The following MCC variants were observed in gnomAD, a reference collection of about 807,000 sequenced individuals.
MCC encodes the protein colorectal mutant cancer protein.
MCC carries 90 observed loss-of-function variants against 116.2 expected under a neutral mutation model. That is an observed-to-expected ratio of 0.77 (90% confidence interval 0.65 to 0.92). The LOEUF (loss-of-function observed/expected upper bound fraction) is 0.92. Among genes scored for constraint, MCC ranks in the 40% least tolerant of loss-of-function variants. MCC has a pLI of 0.00. For synonymous variants in MCC, 578 were observed against 510.5 expected, an observed-to-expected ratio of 1.13 and a Z score of -1.78; for missense variants, 1,516 against 1,312.2, an observed-to-expected ratio of 1.16 and a Z score of -2.40.
intron 3 of MCC, among the ~76,000 whole-genome samples, chr5:113,304,130 A>G (rs1287988340): frequency 6.6e-6 from 1 of 152,168 alleles, no homozygotes; most frequent in Non-Finnish European, 1.5e-5. Flanking sequence ...GGCTGTTAGC[A>G]TGGTTGACCC....
At chr5:113,086,701 TGA>T (rs1390010024) in intron 8 of MCC, among the ~76,000 whole-genome samples, 2 of 152,020 alleles carry the variant, frequency 1.3e-5, no homozygotes, top group Admixed American at 1.3e-4. Context: ...AGTTTCAGCA[TGA>T]GAGTGCAGTG....
chr5:113,354,308 G>A (rs1376630825), intron 2 of MCC, among the ~76,000 whole-genome samples: 1 of 152,150 alleles, frequency 6.6e-6, no homozygotes, highest in African/African-American at 2.4e-5. Flanking sequence ...TCCCAGTCAC[G>A]TAATCTTACT....
At chr5:113,075,983 C>T (rs1754423846) in intron 11 of MCC, among the ~76,000 whole-genome samples, 1 of 152,122 alleles carries the variant, frequency 6.6e-6, no homozygotes, top group Non-Finnish European at 1.5e-5. Context: ...AGTCTTGAAG[C>T]CAGCGAGACC....
chr5:113,471,427 A>G (rs1364166723), intron 1 of MCC, among the ~76,000 whole-genome samples: 2 of 152,142 alleles, frequency 1.3e-5, no homozygotes, highest in Non-Finnish European at 2.9e-5. Flanking sequence ...GGAGTTTTCT[A>G]GAGGTCCACT....
chr5:113,065,716 G>A (rs1260704626), intron 13 of MCC, among the ~76,000 whole-genome samples: 1 of 152,186 alleles, frequency 6.6e-6, no homozygotes, highest in Non-Finnish European at 1.5e-5. Flanking sequence ...ACAAAGAAAA[G>A]ACCCACAATC....
intron 4 of MCC, among the ~76,000 whole-genome samples, chr5:113,144,166 C>G (rs1759352567): frequency 6.6e-6 from 1 of 152,152 alleles, no homozygotes; most frequent in African/African-American, 2.4e-5. Flanking sequence ...AGGAGCTTCC[C>G]TTGCTCAGCA....
At chr5:113,044,387 A>G in intron 16 of MCC, 1 of 582,398 alleles carries the variant, frequency 1.7e-6, no homozygotes, top group Non-Finnish European at 2.2e-6. Context: ...AGACTATTCA[A>G]AGCAGTGACC....
chr5:113,477,281 G>A (rs979218576), intron 1 of MCC, among the ~76,000 whole-genome samples: 1 of 152,148 alleles, frequency 6.6e-6, no homozygotes, highest in African/African-American at 2.4e-5. Flanking sequence ...TTCTGTAAAT[G>A]TTATTTTTTA....
At chr5:113,113,413 G>C (rs1023253941) in intron 6 of MCC, among the ~76,000 whole-genome samples, 8 of 152,092 alleles carry the variant, frequency 5.3e-5, no homozygotes, top group African/African-American at 1.9e-4. Context: ...TCAACTTTTA[G>C]GGTTGAACAC....
rs942674503 is a variant in MCC, at chr5:113,064,157, C to T, written c.2040G>A (p.Ser680=). 1.6e-5 allele frequency: 25 copies of T among 1,610,536 alleles called. No individual in the cohort carries two copies. The highest frequency in any genetic ancestry group is 3.3e-5 in the South Asian group (3 of 90,554). ...AGVGSSPGDQ[S]GDENITQMLK... ...GCATCTGAGTGATGTTTTCATCCCC[C>T]GACTGGTCTCCTATGTGGCAGAGAA... The change falls in exon 14 of 19, where the codon TCG becomes TCA. Residue 680 remains serine (S), a synonymous_variant. Transcript: ENST00000408903.
chr5:113,417,257 C>T (rs958679990), intron 1 of MCC, among the ~76,000 whole-genome samples: 12 of 152,134 alleles, frequency 7.9e-5, no homozygotes, highest in East Asian at 1.9e-4. Flanking sequence ...CGTGAGCCAC[C>T]GCACCCAGCA....
chr5:113,367,395 C>A (rs1201873988), intron 2 of MCC, among the ~76,000 whole-genome samples: 1 of 143,904 alleles, frequency 6.9e-6, no homozygotes, highest in Non-Finnish European at 1.5e-5. Flanking sequence ...TACATATATT[C>A]CATCAAATTT....
At chr5:113,050,324 C>G (rs1752405867) in intron 15 of MCC, among the ~76,000 whole-genome samples, 1 of 152,150 alleles carries the variant, frequency 6.6e-6, no homozygotes, top group African/African-American at 2.4e-5. Flanking sequence ...CCCATGGCCA[C>G]CAGGTCCAGC....
At chr5:113,323,829 T>C (rs757423794) in intron 3 of MCC, among the ~76,000 whole-genome samples, 9 of 152,288 alleles carry the variant, frequency 5.9e-5, no homozygotes, top group Non-Finnish European at 1.2e-4. Flanking sequence ...TAGGTTGTAC[T>C]GCACTATGAT....
At chr5:113,257,562 G>C (rs1765065168) in intron 3 of MCC, among the ~76,000 whole-genome samples, 1 of 152,150 alleles carries the variant, frequency 6.6e-6, no homozygotes, top group Non-Finnish European at 1.5e-5. Flanking sequence ...ACCTTGGAGA[G>C]AGAAGTGGGT....
intron 2 of MCC, among the ~76,000 whole-genome samples, chr5:113,365,816 C>G (rs190011716): frequency 3.4e-3 from 517 of 152,240 alleles, no homozygotes; most frequent in Non-Finnish European, 5.4e-3. Flanking sequence ...CACTTCATAT[C>G]CAGAAGGAAG....
intron 3 of MCC, among the ~76,000 whole-genome samples, chr5:113,272,027 A>C (rs1236176550): frequency 2.6e-5 from 4 of 152,230 alleles, no homozygotes. Flanking sequence ...AAGATAACTG[A>C]TTAACTTAAA....
rs41437946 is a variant in MCC, at chr5:113,213,527, A to G, written c.628-62105T>C. On this transcript the variant is annotated intron_variant, in intron 3 of 18. Transcript: ENST00000408903. ...CCTAATAAAAATATTTAGTCATAAA[A>G]GAGAACAACGACATAACCTGAAGAC... Among the ~76,000 whole-genome samples, 528 of 152,346 alleles carry G rather than the reference A, an allele frequency of 3.5e-3. 4 individuals carry two copies. Among genetic ancestry groups the G allele is most frequent in the African/African-American group, 0.012 (514 of 41,580 alleles).
intron 5 of MCC, among the ~76,000 whole-genome samples, chr5:113,123,403 C>T (rs1232580579): frequency 6.6e-6 from 1 of 152,148 alleles, no homozygotes; most frequent in African/African-American, 2.4e-5. Context: ...GTAGGTAGAA[C>T]TAGGGGGTAG....
Sources: allele counts gnomAD v4.1 joint callset (sites outside exome capture counted in the v4.1 genomes callset), GRCh38; gene constraint gnomAD v4.1.1; transcripts MANE v1.5; gene names NCBI Gene and HGNC (gene_info 2026-07-23, HGNC 2026-07-21).